Variants in CACNA1E observed in about 807,000 individuals in gnomAD.
CACNA1E encodes voltage-dependent R-type calcium channel subunit alpha-1E.
Under a neutral mutation model 259.2 loss-of-function variants are expected in CACNA1E, and 40 were observed. The ratio of observed to expected loss-of-function variants is 0.15; its 90% CI spans 0.12 to 0.20. The LOEUF is 0.20. Among genes scored for constraint, CACNA1E ranks in the 10% least tolerant of loss-of-function variants. The pLI is 1.00. For missense variants in CACNA1E, 1,874 were observed against 3,040.1 expected (o/e 0.62, Z 9.02); for synonymous variants, 1,104 against 1,138.5 (o/e 0.97, Z 0.61).
chr1:181,743,832 A>ATAATTGATC (rs1200323387), intron 25 of CACNA1E, among the ~76,000 whole-genome samples: 1 of 152,238 alleles, frequency 6.6e-6, no homozygotes, highest in African/African-American at 2.4e-5. Flanking sequence ...CTCACAGCTT[A>ATAATTGATC]TAATTGATCG....
intron 1 of CACNA1E, among the ~76,000 whole-genome samples, chr1:181,333,485 T>C (rs550289027): frequency 5.3e-5 from 8 of 152,300 alleles, no homozygotes; most frequent in South Asian, 4.1e-4. Flanking sequence ...CCACAGCCAA[T>C]ACATAACTCA....
At chr1:181,593,335 G>T (rs17496518) in intron 6 of CACNA1E, among the ~76,000 whole-genome samples, 2 of 152,132 alleles carry the variant, frequency 1.3e-5, no homozygotes, top group African/African-American at 4.8e-5. Context: ...CTTAGCATCA[G>T]TTTGCTGTGT....
chr1:181,775,609 C>G (rs140029615), intron 37 of CACNA1E, among the ~76,000 whole-genome samples: 5 of 152,280 alleles, frequency 3.3e-5, no homozygotes, highest in African/African-American at 9.6e-5. Flanking sequence ...AGGTTTACCA[C>G]CTGTTTTTGT....
At chr1:181,625,900 A>G (rs1656152412) in intron 6 of CACNA1E, among the ~76,000 whole-genome samples, 1 of 151,834 alleles carries the variant, frequency 6.6e-6, no homozygotes, top group South Asian at 2.1e-4. Context: ...GAGAAGTGTG[A>G]CTCTTCCTTT....
At position 181,351,300 on chromosome 1, in the gene CACNA1E, C is replaced by T. The variant is rs114775379; in HGVS notation, c.-15+33177C>T. On this transcript the variant is annotated intron_variant, in intron 1 of 11. Transcript: ENST00000524607. ...GCCACCTCAGCATCTAGGGCTGTAG[C>T]CCCACGGCTCAAGAAGTGCTCAGAG... 3.2e-3 allele frequency among the ~76,000 whole-genome samples: 486 copies of T among 152,230 alleles called. 3 individuals carry two copies. The highest frequency in any genetic ancestry group is 0.011 in the African/African-American group (476 of 41,528).
chr1:181,647,286 G>GATCT (rs1658361745), intron 6 of CACNA1E, among the ~76,000 whole-genome samples: 1 of 152,152 alleles, frequency 6.6e-6, no homozygotes, highest in Non-Finnish European at 1.5e-5. Context: ...TTCTCCTGGG[G>GATCT]CCAGAATCTT....
rs1359869558 is a variant in CACNA1E at position 181,802,993 on chromosome 1, A to C, written c.*4159A>C. On this transcript the variant is annotated 3_prime_UTR_variant, in exon 48 of 48. Coordinates refer to ENST00000367573, the MANE Select transcript of CACNA1E (RefSeq NM_001205293.3). ...GAAGGGGAGCAAATAGCTACCTTTC[A>C]AGGATTTTGAGATTTGAAGGTTAAG... The C allele has an allele frequency of 6.6e-6, 1 of 152,200 alleles. No homozygotes were observed. Among genetic ancestry groups the C allele is most frequent in the Non-Finnish European group, 1.5e-5 (1 of 68,042 alleles). The allele number at this position is 152,200 out of a possible 1,614,324, so 9.4% of individuals were successfully genotyped here. A position where few individuals can be genotyped will look rare whatever the true frequency, so the allele number is the denominator to read the frequency against.
chr1:181,785,232 G>C, intron 41 of CACNA1E, 86 bp from the exon 42 acceptor site: 1 of 790,788 alleles, frequency 1.3e-6, no homozygotes, highest in Non-Finnish European at 2.2e-6. Flanking sequence ...ACCTGTTCCA[G>C]AGAGTGGGTA....
rs116708720 is a variant in CACNA1E at position 181,541,978 on chromosome 1, A to T, written c.512+30468A>T. ...CTTTTGAGGCTAGGTCCTAGCAGACATTGCCATATCTTCCTTGCTCTCTTG... is the reference window on the plus strand; with the variant it reads ...CTTTTGAGGCTAGGTCCTAGCAGACTTTGCCATATCTTCCTTGCTCTCTTG... On this transcript the variant is annotated intron_variant, in intron 3 of 47. Transcript: ENST00000367573. Among the ~76,000 whole-genome samples the T allele has an allele frequency of 5.3e-3, 805 of 152,314 alleles. 10 individuals are homozygous for T. The highest frequency in any genetic ancestry group is 0.016 in the African/African-American group (659 of 41,568).
At chr1:181,396,644 C>T (rs1015605677) in intron 1 of CACNA1E, among the ~76,000 whole-genome samples, 2 of 152,098 alleles carry the variant, frequency 1.3e-5, no homozygotes, top group African/African-American at 2.4e-5. Context: ...AGTAATCCAA[C>T]GAGTGAAAAA....
chr1:181,543,857 A>G (rs1668778637), intron 3 of CACNA1E, among the ~76,000 whole-genome samples: 1 of 152,260 alleles, frequency 6.6e-6, no homozygotes, highest in South Asian at 2.1e-4. Context: ...GAGCAGGAAT[A>G]TGGAGAAATT....
At chr1:181,733,784 A>G (rs1655763269) in intron 21 of CACNA1E, 34 bp downstream of exon 21, 2 of 1,451,096 alleles carry the variant, frequency 1.4e-6, no homozygotes, top group Non-Finnish European at 1.8e-6. Flanking sequence ...CTCCACCCCC[A>G]ACTCCTATCC....
At chr1:181,419,632 C>A (rs930547916) in intron 2 of CACNA1E, among the ~76,000 whole-genome samples, 2 of 152,232 alleles carry the variant, frequency 1.3e-5, no homozygotes, top group Admixed American at 6.5e-5. Context: ...CTTTGTCTTA[C>A]CTTCAGGGTC....
intron 1 of CACNA1E, among the ~76,000 whole-genome samples, chr1:181,499,412 GC>G (rs1665051082): frequency 6.6e-6 from 1 of 152,180 alleles, no homozygotes; most frequent in East Asian, 1.9e-4. Flanking sequence ...GTTTTCCCAA[GC>G]TTTTCAGGGT....
chr1:181,459,898 T>C (rs1207555057), intron 2 of CACNA1E, among the ~76,000 whole-genome samples: 2 of 152,212 alleles, frequency 1.3e-5, no homozygotes, highest in African/African-American at 4.8e-5. Flanking sequence ...AGATGAATTC[T>C]TCTCTGTCTT....
At chr1:181,400,854 T>C (rs1311044953) in intron 1 of CACNA1E, among the ~76,000 whole-genome samples, 2 of 152,158 alleles carry the variant, frequency 1.3e-5, no homozygotes, top group African/African-American at 4.8e-5. Flanking sequence ...CGCTTTGCTG[T>C]ATTATGGCTG....
chr1:181,550,569 G>T (rs1648020898), intron 3 of CACNA1E, among the ~76,000 whole-genome samples: 1 of 151,838 alleles, frequency 6.6e-6, no homozygotes, highest in South Asian at 2.1e-4. Context: ...GGTGGGGGCA[G>T]ATTGGTTGAG....
intron 7 of CACNA1E, among the ~76,000 whole-genome samples, chr1:181,670,799 C>G (rs913011926): frequency 2.6e-5 from 4 of 152,166 alleles, no homozygotes; most frequent in Non-Finnish European, 5.9e-5. Flanking sequence ...AGAAGTTTCT[C>G]CTCCATCCTC....
intron 7 of CACNA1E, among the ~76,000 whole-genome samples, chr1:181,697,711 A>G (rs1651852852): frequency 6.6e-6 from 1 of 152,240 alleles, no homozygotes; most frequent in Admixed American, 6.5e-5. Flanking sequence ...TTATTCTTAC[A>G]TTTGGTAGAC....
Sources: allele counts gnomAD v4.1 joint callset (sites outside exome capture counted in the v4.1 genomes callset), GRCh38; gene constraint gnomAD v4.1.1; transcripts MANE v1.5; gene names NCBI Gene and HGNC (gene_info 2026-07-23, HGNC 2026-07-21).